The following DPP6 variants were observed in gnomAD, a reference collection of about 807,000 sequenced individuals.
DPP6 encodes the protein A-type potassium channel modulatory protein DPP6.
Under a neutral mutation model 122.6 loss-of-function variants are expected in DPP6, and 69 were observed. That is an observed-to-expected ratio of 0.56 (90% CI 0.46 to 0.69). The LOEUF is 0.69. Among genes scored for constraint, DPP6 ranks in the 30% least tolerant of loss-of-function variants. DPP6 has a pLI of 0.00. For missense variants in DPP6, 928 were observed against 1,116.9 expected (o/e 0.83, Z 2.41); for synonymous variants, 418 against 433.1 (o/e 0.97, Z 0.43).
At chr7:154,493,757 C>T (rs1434177591) in intron 3 of DPP6, among the ~76,000 whole-genome samples, 2 of 152,124 alleles carry the variant, frequency 1.3e-5, no homozygotes, top group Admixed American at 6.5e-5. Context: ...AGCAGGATTC[C>T]GTTTCTGGAA....
intron 1 of DPP6, among the ~76,000 whole-genome samples, chr7:154,314,766 A>C (rs970726129): frequency 6.6e-6 from 1 of 152,162 alleles, no homozygotes; most frequent in African/African-American, 2.4e-5. Context: ...TTTTCCTCCA[A>C]ATCAAGCAAT....
chr7:154,726,775 CA>C (rs1194016527), intron 7 of DPP6, among the ~76,000 whole-genome samples: 1 of 152,164 alleles, frequency 6.6e-6, no homozygotes, highest in Non-Finnish European at 1.5e-5. Flanking sequence ...GCAAATTTTC[CA>C]AACTTTTATG....
At chr7:154,822,995 G>A (rs927716037) in intron 16 of DPP6, among the ~76,000 whole-genome samples, 4 of 152,170 alleles carry the variant, frequency 2.6e-5, no homozygotes, top group Non-Finnish European at 5.9e-5. Context: ...AATAAAAGCT[G>A]CACTACCATA....
At chr7:154,185,845 T>C (rs1352163018) in intron 1 of DPP6, among the ~76,000 whole-genome samples, 4 of 152,236 alleles carry the variant, frequency 2.6e-5, no homozygotes, top group Non-Finnish European at 5.9e-5. Flanking sequence ...AATTACTTCT[T>C]AAGCAAGGTT....
chr7:154,280,766 A>G (rs1372071311), intron 1 of DPP6, among the ~76,000 whole-genome samples: 2 of 152,108 alleles, frequency 1.3e-5, no homozygotes, highest in African/African-American at 2.4e-5. Context: ...GCAGTGTAAG[A>G]ATCAACCTTA....
At chr7:154,293,875 G>A (rs1417902866) in intron 1 of DPP6, among the ~76,000 whole-genome samples, 1 of 152,216 alleles carries the variant, frequency 6.6e-6, no homozygotes, top group East Asian at 1.9e-4. Flanking sequence ...TTCTCTCCCT[G>A]ATACACACAT....
At chr7:154,323,355 A>G (rs1238467509) in intron 1 of DPP6, among the ~76,000 whole-genome samples, 2 of 149,712 alleles carry the variant, frequency 1.3e-5, no homozygotes, top group African/African-American at 4.9e-5. Context: ...GTGCTTTTGC[A>G]CAAAAGGCTG....
At chr7:153,970,065 C>T (rs2531090) in intron 1 of DPP6, among the ~76,000 whole-genome samples, 9 of 152,166 alleles carry the variant, frequency 5.9e-5, no homozygotes, top group East Asian at 3.8e-4. Context: ...CATAACTCAG[C>T]GTGTTGATCC....
At chr7:154,395,430 A>G (rs1287069706) in intron 1 of DPP6, among the ~76,000 whole-genome samples, 1 of 152,208 alleles carries the variant, frequency 6.6e-6, no homozygotes, top group Non-Finnish European at 1.5e-5. Context: ...AATTTCTTTC[A>G]GCAAGGCTTT....
intron 1 of DPP6, among the ~76,000 whole-genome samples, chr7:154,135,300 A>C (rs1331055117): frequency 6.6e-6 from 1 of 151,866 alleles, no homozygotes; most frequent in Non-Finnish European, 1.5e-5. Flanking sequence ...CTGTGAGCAC[A>C]CACTTCTTAT....
chr7:154,824,923 C>T (rs541942176), intron 16 of DPP6, among the ~76,000 whole-genome samples: 3 of 152,348 alleles, frequency 2.0e-5, no homozygotes, highest in African/African-American at 7.2e-5. Flanking sequence ...TGACTCAGCT[C>T]TGGTCAGTCA....
chr7:154,588,013 T>A (rs1832578520), intron 5 of DPP6: 2 of 1,612,676 alleles, frequency 1.2e-6, no homozygotes, highest in Non-Finnish European at 1.7e-6. Flanking sequence ...GTGTGAGGCA[T>A]CGCATCTGCT....
intron 1 of DPP6, among the ~76,000 whole-genome samples, chr7:153,918,787 C>T (rs1312834843): frequency 6.6e-6 from 1 of 151,878 alleles, no homozygotes; most frequent in Non-Finnish European, 1.5e-5. Flanking sequence ...CAGGATCAAC[C>T]TGGCCAACAT....
intron 16 of DPP6, among the ~76,000 whole-genome samples, chr7:154,827,215 C>T (rs1001297641): frequency 6.6e-6 from 1 of 151,558 alleles, no homozygotes; most frequent in Non-Finnish European, 1.5e-5. Flanking sequence ...CACACACACA[C>T]ACACACACAC....
chr7:154,062,884 G>A (rs1473835497), intron 1 of DPP6, among the ~76,000 whole-genome samples: 2 of 132,324 alleles, frequency 1.5e-5, no homozygotes, highest in Admixed American at 1.6e-4. Context: ...GACCCCCATC[G>A]TTGATCCTAA....
chr7:154,183,532 T>C (rs1308301295), intron 1 of DPP6, among the ~76,000 whole-genome samples: 1 of 152,112 alleles, frequency 6.6e-6, no homozygotes, highest in East Asian at 1.9e-4. Context: ...GGAGTGGTGA[T>C]TGACATGCAA....
intron 1 of DPP6, among the ~76,000 whole-genome samples, chr7:154,029,282 T>C (rs1398655715): frequency 4.6e-5 from 7 of 150,588 alleles, no homozygotes; most frequent in Admixed American, 2.0e-4. Flanking sequence ...TTTGGGAGGC[T>C]GAGGCGGGTG....
At chr7:153,793,979 G>A in the DPP6 span, among the ~76,000 whole-genome samples, 1 of 152,372 alleles carries the variant, frequency 6.6e-6, no homozygotes, top group East Asian at 1.9e-4. Context: ...CCTCCACCTA[G>A]ATTTCAGAAC....
chr7:153,790,159 C>T, the DPP6 span, among the ~76,000 whole-genome samples: 1 of 151,982 alleles, frequency 6.6e-6, no homozygotes, highest in Non-Finnish European at 1.5e-5. Flanking sequence ...AATATGTTTG[C>T]TCTTAAAAGT....
Sources: gnomAD v4.1 joint callset for allele counts (sites outside exome capture counted in the v4.1 genomes callset) on GRCh38, gnomAD v4.1.1 for gene constraint, MANE v1.5 for transcripts, NCBI Gene and HGNC (gene_info 2026-07-23, HGNC 2026-07-21) for gene names.